UTRN: variants seen among roughly 807,000 people sequenced by gnomAD.
UTRN encodes utrophin, also known as dystrophin-related protein 1.
A neutral mutation model predicts 463.9 loss-of-function variants in UTRN; 283 were observed. That is an observed-to-expected ratio of 0.61 (90% CI 0.55 to 0.67). UTRN has a LOEUF of 0.67. Among genes scored for constraint, UTRN ranks in the 30% least tolerant of loss-of-function variants. The pLI is 0.00. For synonymous variants in UTRN, 1,442 were observed against 1,431.5 expected (o/e 1.01, Z -0.17); for missense variants, 3,922 against 4,084.3 (o/e 0.96, Z 1.08).
At chr6:144,848,169 C>T (rs952537600) in intron 74 of UTRN, among the ~76,000 whole-genome samples, 7 of 151,866 alleles carry the variant, frequency 4.6e-5, no homozygotes, top group East Asian at 1.9e-4. Context: ...GTCAGAAGTG[C>T]GAGGAGAGAC....
In UTRN at chr6:144,435,961, G is replaced by A; in HGVS notation, c.882G>A (p.Glu294=). 3 of 1,614,122 alleles carry A rather than the reference G, an allele frequency of 1.9e-6. No individual in the cohort carries two copies. The highest frequency in any genetic ancestry group is 2.5e-6 in the Non-Finnish European group (3 of 1,180,036). Residue 294 remains glutamate, a synonymous_variant, in exon 10 of 75, where the codon GAG becomes GAA. Coordinates refer to ENST00000367545, the MANE Select transcript of UTRN (RefSeq NM_007124.3). ...IQSTAPEEEH[E]SPRAETPSTV... is the part of the protein sequence containing the mutation. ...GTACAGCGCCTGAGGAGGAGCATGA[G>A]AGTCCCCGAGCTGAAACTCCCAGCA...
chr6:144,518,929 C>A (rs1795857337), intron 39 of UTRN, among the ~76,000 whole-genome samples: 1 of 152,008 alleles, frequency 6.6e-6, no homozygotes. Context: ...AACTACAGTG[C>A]CCAAATCTAA....
rs1382018355 is a variant in UTRN at position 144,461,361 on chromosome 6, G to C, written c.2853+19G>C. 6 of 1,509,864 alleles carry C rather than the reference G, an allele frequency of 4.0e-6. No individual in the cohort carries two copies. The highest frequency in any genetic ancestry group is 5.3e-6 in the Non-Finnish European group (6 of 1,124,288). 93.5% of individuals were successfully genotyped at this position (1,509,864 alleles called of 1,614,324 possible). On this transcript the variant is annotated intron_variant, in intron 22 of 74. Coordinates refer to ENST00000367545, the MANE Select transcript of UTRN (RefSeq NM_007124.3). ...AAAAAAGGTAACATATATCTTCCAT[G>C]TTAGAACTCTAGCGCTTCTTCTAAT...
At chr6:144,678,321 T>C in intron 51 of UTRN, 85 bp from the exon 52 acceptor site, 1 of 1,314,966 alleles carries the variant, frequency 7.6e-7, no homozygotes, top group South Asian at 1.7e-5. Context: ...AAATGAACTA[T>C]TTTGCTTGAG....
At chr6:144,341,413 A>G (rs1394279160) in intron 2 of UTRN, among the ~76,000 whole-genome samples, 1 of 152,168 alleles carries the variant, frequency 6.6e-6, no homozygotes, top group African/African-American at 2.4e-5. Flanking sequence ...AATTAACATC[A>G]TTGTACATGA....
At chr6:144,755,306 G>A (rs528349943) in intron 57 of UTRN, among the ~76,000 whole-genome samples, 16 of 152,212 alleles carry the variant, frequency 1.1e-4, no homozygotes, top group Admixed American at 5.2e-4. Flanking sequence ...TGCGTATGTA[G>A]CCAAACCACC....
At position 144,421,094 on chromosome 6, in the gene UTRN, C is replaced by T. The variant is rs142971735; in HGVS notation, c.142-784C>T. On this transcript the variant is annotated intron_variant, in intron 3 of 74. Transcript: ENST00000367545. ...CGATCTTGGCTCACTGCAACCTTCACCTCCTGGGTTCAAGCAACTCTCCTG... is the reference window on the plus strand; with the variant it reads ...CGATCTTGGCTCACTGCAACCTTCATCTCCTGGGTTCAAGCAACTCTCCTG... Among the ~76,000 whole-genome samples, 1,047 of 152,214 alleles carry T rather than the reference C, an allele frequency of 6.9e-3. 10 individuals are homozygous for T. Among genetic ancestry groups the T allele is most frequent in the African/African-American group, 0.023 (970 of 41,524 alleles).
intron 51 of UTRN, among the ~76,000 whole-genome samples, chr6:144,592,887 ATCAAATAT>A (rs1483660580): frequency 1.3e-5 from 2 of 152,230 alleles, no homozygotes; most frequent in African/African-American, 4.8e-5. Context: ...CCTGTGTGGG[ATCAAATAT>A]TCTATCCCAG....
At chr6:144,784,771 G>A (rs905666698) in intron 61 of UTRN, among the ~76,000 whole-genome samples, 1 of 152,182 alleles carries the variant, frequency 6.6e-6, no homozygotes. Flanking sequence ...ATGGGAATAT[G>A]TGGGAAATGC....
At chr6:144,732,278 A>ACATATATATATACC (rs1282344637) in intron 54 of UTRN, among the ~76,000 whole-genome samples, 1 of 97,580 alleles carries the variant, frequency 1.0e-5, no homozygotes, top group African/African-American at 7.0e-5. Flanking sequence ...ATATATATAT[A>ACATATATATATACC]CACACATATA....
chr6:144,655,202 G>A (rs1230373232), intron 51 of UTRN, among the ~76,000 whole-genome samples: 1 of 152,198 alleles, frequency 6.6e-6, no homozygotes, highest in Non-Finnish European at 1.5e-5. Context: ...TCCATCCTTA[G>A]ATTGAACTTT....
At chr6:144,429,467 T>C (rs976533710) in intron 8 of UTRN, 114 bp from the exon 9 acceptor site, 2 of 884,284 alleles carry the variant, frequency 2.3e-6, no homozygotes, top group Non-Finnish European at 3.3e-6. Context: ...GCAAAGATTA[T>C]ATATTAGGTA....
chr6:144,607,393 G>A (rs1804969735), intron 51 of UTRN, among the ~76,000 whole-genome samples: 1 of 152,068 alleles, frequency 6.6e-6, no homozygotes, highest in African/African-American at 2.4e-5. Flanking sequence ...ATTTAACTTT[G>A]TTCATCTCAA....
At chr6:144,486,516 A>G (rs1434204255) in intron 28 of UTRN, among the ~76,000 whole-genome samples, 1 of 151,968 alleles carries the variant, frequency 6.6e-6, no homozygotes, top group Admixed American at 6.6e-5. Context: ...GGAGTCTTTT[A>G]TTTACTTATT....
intron 51 of UTRN, among the ~76,000 whole-genome samples, chr6:144,677,485 T>C (rs1337068678): frequency 6.6e-6 from 1 of 152,226 alleles, no homozygotes; most frequent in Non-Finnish European, 1.5e-5. Flanking sequence ...ATGGTGTATA[T>C]GTGCCACATT....
intron 51 of UTRN, among the ~76,000 whole-genome samples, chr6:144,584,543 A>G (rs1301035821): frequency 2.0e-5 from 3 of 152,176 alleles, no homozygotes; most frequent in African/African-American, 7.2e-5. Context: ...GATATACAGT[A>G]TGGCATGTCC....
chr6:144,356,142 A>G (rs1778525872), intron 2 of UTRN, among the ~76,000 whole-genome samples: 1 of 152,236 alleles, frequency 6.6e-6, no homozygotes, highest in Non-Finnish European at 1.5e-5. Context: ...GTAGTACTCC[A>G]TATGAATGAC....
intron 30 of UTRN, among the ~76,000 whole-genome samples, chr6:144,489,833 G>A (rs1460821078): frequency 6.6e-6 from 1 of 151,370 alleles, no homozygotes; most frequent in East Asian, 2.0e-4. Flanking sequence ...TCTTGGCCAG[G>A]CTGGTCTTGA....
Position 144,628,637 on chromosome 6 carries a change from A to G in UTRN, c.7480-49769A>G, listed in dbSNP as rs972499254. ...TGAGTTGTTCTGTGAACTAGATTTCATGGTTTACTAACTCATATCCTAAAT... is the reference window on the plus strand; with the variant it reads ...TGAGTTGTTCTGTGAACTAGATTTCGTGGTTTACTAACTCATATCCTAAAT... On this transcript the variant is annotated intron_variant, in intron 51 of 74. Coordinates refer to ENST00000367545, the MANE Select transcript of UTRN (RefSeq NM_007124.3). Among the ~76,000 whole-genome samples the G allele has an allele frequency of 3.3e-5, 5 of 152,306 alleles. No individual in the cohort carries two copies. In the East Asian group the frequency reaches 9.6e-4, roughly 29 times the overall value.
Sources: gnomAD v4.1 joint callset for allele counts (sites outside exome capture counted in the v4.1 genomes callset) on GRCh38, gnomAD v4.1.1 for gene constraint, MANE v1.5 for transcripts, NCBI Gene and HGNC (gene_info 2026-07-23, HGNC 2026-07-21) for gene names.